The following LPAR3 variants were observed in gnomAD, a reference collection of about 807,000 sequenced individuals.
LPAR3 encodes LPA receptor 3.
In LPAR3, 7 loss-of-function variants were observed where a neutral mutation model predicts 17.8. The ratio of observed to expected loss-of-function variants is 0.39; its 90% confidence interval spans 0.22 to 0.74. LPAR3 has a LOEUF of 0.74. Ranked by LOEUF, LPAR3 falls within the 30% of genes least tolerant of loss-of-function variation. The probability of loss-of-function intolerance (pLI) is 0.40; values close to 1 mark genes in which losing one functional copy is unlikely to be tolerated. For missense variants in LPAR3, 391 were observed against 453.4 expected, an observed-to-expected ratio of 0.86 and a Z score of 1.25; for synonymous variants, 179 against 179.9, an observed-to-expected ratio of 0.99 and a Z score of 0.04.
rs1173342072 is a variant in LPAR3, at chr1:84,811,669, A to G, written c.*2177T>C. 2 of 151,714 alleles carry G rather than the reference A, an allele frequency of 1.3e-5. No individual in the cohort carries two copies. The highest frequency in any genetic ancestry group is 2.9e-5 in the Non-Finnish European group (2 of 67,918). The allele number at this position is 151,714 out of a possible 1,614,324, so 9.4% of individuals were successfully genotyped here. ...AGCTTCAGATAGACCCACATACTAT[A>G]CAGAGTTTGTGAAATCTACACTTTC... On this transcript the variant is annotated 3_prime_UTR_variant, in exon 3 of 3. Transcript: ENST00000370611.
intron 1 of LPAR3, 97 bp from the exon 2 acceptor site, chr1:84,866,235 C>G (rs61469378): frequency 0.043 from 39,718 of 918,992 alleles, 1,036 homozygotes; most frequent in South Asian, 0.083. Context: ...TAACTCCCAT[C>G]AAGGGAGTTG....
rs1658826161 is a variant in LPAR3, at chr1:84,812,174, T to C, written c.*1672A>G. 6.6e-6 allele frequency: 1 copy of C among 152,168 alleles called. No individual in the cohort carries two copies. The highest frequency in any genetic ancestry group is 2.4e-5 in the African/African-American group (1 of 41,448). 9.4% of individuals were successfully genotyped at this position (152,168 alleles called of 1,614,324 possible). ...GGACTGGGGTCAAGCTCATATTTCA[T>C]TCTATATGGAAGGGATTCAGCCTGC... On this transcript the variant is annotated 3_prime_UTR_variant, in exon 3 of 3. Coordinates refer to ENST00000370611, the MANE Select transcript of LPAR3 (RefSeq NM_012152.3).
chr1:84,833,012 C>A (rs924503369), intron 2 of LPAR3, among the ~76,000 whole-genome samples: 1 of 151,982 alleles, frequency 6.6e-6, no homozygotes, highest in Admixed American at 6.6e-5. Context: ...ACTTCTAAAC[C>A]ACATAAATAT....
intron 2 of LPAR3, among the ~76,000 whole-genome samples, chr1:84,850,839 G>A (rs1227870961): frequency 6.6e-6 from 1 of 152,214 alleles, no homozygotes; most frequent in Non-Finnish European, 1.5e-5. Context: ...TTAGTAAGAG[G>A]GGTCCCAGGT....
In LPAR3 at chr1:84,866,110, C is replaced by T; in HGVS notation, c.11G>A (p.Cys4Tyr). 6.5e-7 allele frequency: 1 copy of T among 1,533,154 alleles called. No homozygotes were observed. The highest frequency in any genetic ancestry group is 1.9e-5 in the African/African-American group (1 of 51,714). 95.0% of individuals were successfully genotyped at this position (1,533,154 alleles called of 1,614,324 possible). MNE[C>Y]HYDKHMDFFY... ...AAAGTCCATGTGCTTGTCATAGTGA[C>T]ACTCATTCATTGTGGAGAAGTGAAC... The change falls in exon 2 of 3, where the codon TGT (cysteine) becomes TAT (tyrosine). Residue 4 changes from cysteine to tyrosine, a missense_variant. Cys to Tyr is a radical substitution (Grantham distance 194). Transcript: ENST00000370611.
chr1:84,813,665 G>C lies in LPAR3; in HGVS notation c.*181C>G, dbSNP rs1401018748. 7.0e-6 allele frequency: 4 copies of C among 575,336 alleles called. No homozygotes were observed. The Admixed American group carries it at 9.0e-5, about 13-fold the overall frequency. The allele number at this position is 575,336 out of a possible 1,614,324, so 35.6% of individuals were successfully genotyped here. A position where few individuals can be genotyped will look rare whatever the true frequency, so the allele number is the denominator to read the frequency against. ...CGTTTCTGTGCTTTCTCTAAATGCA[G>C]CAGGTCCTCTCTTTACTGCCCATGC... On this transcript the variant is annotated 3_prime_UTR_variant, in exon 3 of 3. Coordinates refer to ENST00000370611, the MANE Select transcript of LPAR3 (RefSeq NM_012152.3).
chr1:84,841,421 G>A (rs1033293628), intron 2 of LPAR3, among the ~76,000 whole-genome samples: 1 of 152,108 alleles, frequency 6.6e-6, no homozygotes, highest in Non-Finnish European at 1.5e-5. Context: ...TCCTTTGGAG[G>A]AAAAGAAAAG....
chr1:84,842,229 T>C (rs1437865209), intron 2 of LPAR3, among the ~76,000 whole-genome samples: 1 of 152,200 alleles, frequency 6.6e-6, no homozygotes, highest in Non-Finnish European at 1.5e-5. Flanking sequence ...ATCAGAAGTA[T>C]AGTTAATACA....
chr1:84,881,416 T>C (rs984448445), intron 1 of LPAR3, among the ~76,000 whole-genome samples: 27 of 152,206 alleles, frequency 1.8e-4, no homozygotes, highest in African/African-American at 6.3e-4. Context: ...CAATTATTTC[T>C]ATAGTGCTTA....
At chr1:84,867,817 C>A (rs1245144488) in intron 1 of LPAR3, among the ~76,000 whole-genome samples, 1 of 152,100 alleles carries the variant, frequency 6.6e-6, no homozygotes, top group Non-Finnish European at 1.5e-5. Context: ...CATATATTTA[C>A]ACTATATCAT....
chr1:84,820,507 C>T (rs1214374506), intron 2 of LPAR3, among the ~76,000 whole-genome samples: 2 of 152,082 alleles, frequency 1.3e-5, no homozygotes, highest in Non-Finnish European at 2.9e-5. Context: ...TGAGAAATAG[C>T]GTGAAGCATC....
chr1:84,815,040 A>C (rs533774979), intron 2 of LPAR3, among the ~76,000 whole-genome samples: 30 of 152,330 alleles, frequency 2.0e-4, no homozygotes, highest in African/African-American at 7.2e-4. Flanking sequence ...TCATCTTTAT[A>C]CAGCACTTAC....
intron 2 of LPAR3, among the ~76,000 whole-genome samples, chr1:84,837,527 A>T (rs1312378505): frequency 6.6e-6 from 1 of 152,232 alleles, no homozygotes; most frequent in Non-Finnish European, 1.5e-5. Flanking sequence ...TCAACAGAGG[A>T]GTGTATACAC....
At chr1:84,845,217 G>A (rs1037034532) in intron 2 of LPAR3, among the ~76,000 whole-genome samples, 2 of 152,096 alleles carry the variant, frequency 1.3e-5, no homozygotes, top group African/African-American at 4.8e-5. Flanking sequence ...ACATTGAAAA[G>A]CATTTTTAAA....
In LPAR3 at chr1:84,852,912, A is replaced by T. The variant is rs531527103; in HGVS notation, c.736+12473T>A. Among the ~76,000 whole-genome samples, 9 of 152,260 alleles carry T rather than the reference A, an allele frequency of 5.9e-5. No individual in the cohort carries two copies. The South Asian group carries it at 1.9e-3, about 32-fold the overall frequency. On this transcript the variant is annotated intron_variant, in intron 2 of 2. Transcript: ENST00000370611. ...ACAGTAGTATTAGAGTAGTATAGGA[A>T]GAAGCTAGCTTACTACGGTTTGAAG...
intron 1 of LPAR3, among the ~76,000 whole-genome samples, chr1:84,870,291 C>T (rs943340441): frequency 1.3e-5 from 2 of 152,170 alleles, no homozygotes; most frequent in Non-Finnish European, 2.9e-5. Flanking sequence ...GCTTGTGACC[C>T]AGTATTTTCT....
chr1:84,814,240 C>G (rs1187068834), intron 2 of LPAR3, 69 bp from the exon 3 acceptor site: 4 of 1,356,902 alleles, frequency 2.9e-6, no homozygotes, highest in Non-Finnish European at 3.1e-6. Context: ...TTCTTCTCTC[C>G]CAGCCTTTAG....
At chr1:84,868,267 G>A (rs186432310) in intron 1 of LPAR3, among the ~76,000 whole-genome samples, 34 of 152,230 alleles carry the variant, frequency 2.2e-4, no homozygotes, top group Admixed American at 9.2e-4. Flanking sequence ...ATGCCAGCAC[G>A]CCCGGCTAAT....
chr1:84,852,563 C>T (rs575771049), intron 2 of LPAR3, among the ~76,000 whole-genome samples: 29 of 152,214 alleles, frequency 1.9e-4, no homozygotes, highest in East Asian at 5.8e-4. Context: ...TCCAGGTGTG[C>T]ACGTGACAGC....
Sources: gnomAD v4.1 joint callset for allele counts (sites outside exome capture counted in the v4.1 genomes callset) on GRCh38, gnomAD v4.1.1 for gene constraint, MANE v1.5 for transcripts, NCBI Gene and HGNC (gene_info 2026-07-23, HGNC 2026-07-21) for gene names.